Variants in KANK1 observed in about 807,000 individuals in gnomAD.
KANK1 encodes the protein KN motif and ankyrin repeat domains 1, also known as KN motif and ankyrin repeat domain-containing protein 1.
KANK1 carries 109 observed loss-of-function variants against 106.2 expected under a neutral mutation model. That is an observed-to-expected ratio of 1.03 (90% CI 0.88 to 1.20). The LOEUF is 1.20. Ranked by LOEUF, KANK1 falls within the 50% of genes most tolerant of loss-of-function variation. The pLI is 0.00. For missense variants in KANK1, 2,399 were observed against 1,710.7 expected (o/e 1.40, Z -7.10); for synonymous variants, 873 against 652.2 (o/e 1.34, Z -5.16).
chr9:570,291 G>C (rs1818847734), intron 1 of KANK1, among the ~76,000 whole-genome samples: 1 of 152,198 alleles, frequency 6.6e-6, no homozygotes, highest in Non-Finnish European at 1.5e-5. Flanking sequence ...AAAATTTGAT[G>C]TCCTTAGTAA....
chr9:544,589 G>A (rs2060816346), intron 1 of KANK1, among the ~76,000 whole-genome samples: 1 of 152,156 alleles, frequency 6.6e-6, no homozygotes, highest in Admixed American at 6.6e-5. Context: ...ATATTTCGCT[G>A]GGGAACCAGA....
At chr9:580,815 G>A (rs1821909383) in intron 1 of KANK1, among the ~76,000 whole-genome samples, 1 of 152,232 alleles carries the variant, frequency 6.6e-6, no homozygotes, top group Non-Finnish European at 1.5e-5. Flanking sequence ...GCGCCGCGGA[G>A]CAGGGGGCGG....
intron 1 of KANK1, among the ~76,000 whole-genome samples, chr9:655,045 T>C (rs1841815748): frequency 6.6e-6 from 1 of 152,080 alleles, no homozygotes; most frequent in Non-Finnish European, 1.5e-5. Context: ...ATTAGTTCAA[T>C]TGGTCTTTGA....
chr9:588,285 C>G (rs1367571173), intron 1 of KANK1, among the ~76,000 whole-genome samples: 1 of 152,110 alleles, frequency 6.6e-6, no homozygotes, highest in Non-Finnish European at 1.5e-5. Flanking sequence ...GTAATGGTTT[C>G]TCTATCCCAT....
chr9:737,848 G>A (rs1283378138), intron 7 of KANK1, among the ~76,000 whole-genome samples: 2 of 152,236 alleles, frequency 1.3e-5, no homozygotes, highest in African/African-American at 2.4e-5. Flanking sequence ...TGCAAGGCCA[G>A]TATGATTACA....
chr9:624,906 G>A (rs549752508), intron 1 of KANK1, among the ~76,000 whole-genome samples: 4 of 152,312 alleles, frequency 2.6e-5, no homozygotes, highest in East Asian at 3.9e-4. Flanking sequence ...GTGTGCAGCC[G>A]GACAGGCTTC....
At chr9:591,947 C>T (rs1237032825) in intron 1 of KANK1, among the ~76,000 whole-genome samples, 1 of 151,910 alleles carries the variant, frequency 6.6e-6, no homozygotes, top group East Asian at 1.9e-4. Context: ...GAGTGAGCCA[C>T]TGTGCCCAGC....
chr9:687,205 C>T (rs7034698), intron 2 of KANK1, among the ~76,000 whole-genome samples: 38,564 of 151,724 alleles, frequency 0.25, 5,805 homozygotes, highest in East Asian at 0.56. Flanking sequence ...TGCCATTTTC[C>T]TTCTTTGTGT....
At chr9:587,325 T>C (rs1823747272) in intron 1 of KANK1, among the ~76,000 whole-genome samples, 1 of 152,190 alleles carries the variant, frequency 6.6e-6, no homozygotes, top group Non-Finnish European at 1.5e-5. Context: ...ATGAGCAAGC[T>C]GTTTTACTCT....
chr9:641,664 G>C (rs531422386), intron 1 of KANK1, among the ~76,000 whole-genome samples: 1 of 152,274 alleles, frequency 6.6e-6, no homozygotes, highest in African/African-American at 2.4e-5. Context: ...CAGTGAGAAA[G>C]AACACAGTGA....
At chr9:674,307 C>G (rs776983998) in intron 1 of KANK1, 10 of 151,750 alleles carry the variant, frequency 6.6e-5, no homozygotes, top group African/African-American at 9.7e-5. Context: ...AGAATCTCCT[C>G]TCTCCAGGTG....
intron 1 of KANK1, among the ~76,000 whole-genome samples, chr9:655,515 A>C (rs574694080): frequency 2.6e-5 from 4 of 152,310 alleles, no homozygotes; most frequent in South Asian, 4.1e-4. Flanking sequence ...TGTGCATACA[A>C]ATCACCTGGG....
chr9:670,429 C>G (rs1350160619), intron 1 of KANK1, among the ~76,000 whole-genome samples: 1 of 152,142 alleles, frequency 6.6e-6, no homozygotes, highest in African/African-American at 2.4e-5. Flanking sequence ...AGGTCACTGC[C>G]TCTTTTTCAG....
chr9:721,165 A>G (rs763675471), intron 3 of KANK1, among the ~76,000 whole-genome samples: 4 of 152,250 alleles, frequency 2.6e-5, no homozygotes, highest in Non-Finnish European at 4.4e-5. Flanking sequence ...GAGCCAATGG[A>G]AGCCCCTTGG....
At chr9:616,826 C>T (rs748378588) in intron 1 of KANK1, among the ~76,000 whole-genome samples, 4 of 152,186 alleles carry the variant, frequency 2.6e-5, no homozygotes, top group Non-Finnish European at 5.9e-5. Context: ...GGAAAGAAAG[C>T]AAGGCAAAGT....
At chr9:678,069 C>G (rs1349112996) in intron 2 of KANK1, among the ~76,000 whole-genome samples, 1 of 152,136 alleles carries the variant, frequency 6.6e-6, no homozygotes, top group Non-Finnish European at 1.5e-5. Context: ...ACTTTTTATT[C>G]TAGCGGTCTC....
chr9:649,274 C>A (rs1588565404), intron 1 of KANK1, among the ~76,000 whole-genome samples: 1 of 152,026 alleles, frequency 6.6e-6, no homozygotes, highest in African/African-American at 2.4e-5. Context: ...ATTATATGTC[C>A]CAGTTTGCCT....
chr9:504,782 G>GCCCCGTGCCGCGCTGCT (rs1554723235), intron 1 of KANK1, 28 bp downstream of exon 1: 18,607 of 148,040 alleles, frequency 0.13, 1,896 homozygotes, highest in African/African-American at 0.28. Flanking sequence ...GCCGTGCCGC[G>GCCCCGTGCCGCGCTGCT]CCCCGTGCCG....
chr9:574,520 G>T (rs888112995), intron 1 of KANK1, among the ~76,000 whole-genome samples: 2 of 152,098 alleles, frequency 1.3e-5, no homozygotes, highest in Non-Finnish European at 2.9e-5. Flanking sequence ...GTACCACTCT[G>T]TTCTCAACAG....
Sources: gnomAD v4.1 joint callset for allele counts (sites outside exome capture counted in the v4.1 genomes callset) on GRCh38, gnomAD v4.1.1 for gene constraint, MANE v1.5 for transcripts, NCBI Gene and HGNC (gene_info 2026-07-23, HGNC 2026-07-21) for gene names.